The following STXBP5L variants were observed in gnomAD, a reference collection of about 807,000 sequenced individuals.
STXBP5L encodes syntaxin binding protein 5L.
Under a neutral mutation model 144.5 loss-of-function variants are expected in STXBP5L, and 65 were observed. The ratio of observed to expected loss-of-function variants is 0.45; its 90% confidence interval spans 0.37 to 0.55. The LOEUF is 0.55. Ranked by LOEUF, STXBP5L falls within the 20% of genes least tolerant of loss-of-function variation. The pLI, the probability that STXBP5L is intolerant of heterozygous loss-of-function variation, is 0.00. For missense variants in STXBP5L, 1,298 were observed against 1,405.5 expected (o/e 0.92, Z 1.22); for synonymous variants, 505 against 469.6 (o/e 1.08, Z -0.97).
intron 2 of STXBP5L, among the ~76,000 whole-genome samples, chr3:120,913,075 T>C (rs1335730481): frequency 6.6e-6 from 1 of 152,026 alleles, no homozygotes; most frequent in Non-Finnish European, 1.5e-5. Flanking sequence ...GTTCTTTTTT[T>C]TCTTTTTTAA....
At chr3:120,929,950 A>G (rs1559881569) in intron 2 of STXBP5L, among the ~76,000 whole-genome samples, 2 of 151,492 alleles carry the variant, frequency 1.3e-5, no homozygotes, top group African/African-American at 4.8e-5. Context: ...AGTAATTTCT[A>G]TTAGCTTTTA....
intron 9 of STXBP5L, among the ~76,000 whole-genome samples, chr3:121,166,112 C>T (rs2046489909): frequency 6.6e-6 from 1 of 151,896 alleles, no homozygotes; most frequent in Non-Finnish European, 1.5e-5. Context: ...GCCTCTTGGA[C>T]TCAAGTGATA....
intron 3 of STXBP5L, among the ~76,000 whole-genome samples, chr3:120,977,253 GGA>G (rs1941162948): frequency 1.3e-5 from 2 of 152,148 alleles, no homozygotes; most frequent in African/African-American, 4.8e-5. Context: ...TATATATTTA[GGA>G]TAGTTAGCTC....
At chr3:120,955,347 G>T (rs1379156515) in intron 3 of STXBP5L, among the ~76,000 whole-genome samples, 2 of 151,912 alleles carry the variant, frequency 1.3e-5, no homozygotes, top group Non-Finnish European at 2.9e-5. Flanking sequence ...ACTTTTGGGT[G>T]CGTTGCTCTT....
chr3:121,105,933 C>G (rs2043680981), intron 5 of STXBP5L, among the ~76,000 whole-genome samples: 1 of 151,746 alleles, frequency 6.6e-6, no homozygotes, highest in Admixed American at 6.6e-5. Flanking sequence ...GTTTTTATAC[C>G]TAAGTAAAAT....
At chr3:120,965,752 T>C (rs1456896252) in intron 3 of STXBP5L, among the ~76,000 whole-genome samples, 1 of 152,190 alleles carries the variant, frequency 6.6e-6, no homozygotes, top group Non-Finnish European at 1.5e-5. Flanking sequence ...CAGTTATGTG[T>C]CTTGGGGTTG....
At chr3:121,016,317 A>G (rs1303742544) in intron 3 of STXBP5L, among the ~76,000 whole-genome samples, 1 of 152,248 alleles carries the variant, frequency 6.6e-6, no homozygotes, top group Admixed American at 6.5e-5. Context: ...TAAAATAACA[A>G]TGAAACTATG....
intron 18 of STXBP5L, among the ~76,000 whole-genome samples, chr3:121,271,553 A>T (rs1394724519): frequency 6.6e-6 from 1 of 152,210 alleles, no homozygotes; most frequent in Non-Finnish European, 1.5e-5. Flanking sequence ...ATACAAAGCT[A>T]AGAAAAAACA....
At position 121,207,968 on chromosome 3, in the gene STXBP5L, C is replaced by G. The variant is rs1047900081; in HGVS notation, c.956+1967C>G. Reference sequence around the variant, plus strand: ...GTACTAGAAATACCATTTGACCCAGCCATCCCCTTACTGGGTATATACCCA... The same window carrying G: ...GTACTAGAAATACCATTTGACCCAGGCATCCCCTTACTGGGTATATACCCA... On this transcript the variant is annotated intron_variant, in intron 10 of 26. Coordinates refer to ENST00000471454, the MANE Select transcript of STXBP5L (RefSeq NM_001308330.2). Among the ~76,000 whole-genome samples the G allele has an allele frequency of 2.5e-4, 38 of 152,140 alleles. 1 individual carries two copies. Among genetic ancestry groups the G allele is most frequent in the Non-Finnish European group, 1.0e-4 (7 of 68,024 alleles).
intron 9 of STXBP5L, among the ~76,000 whole-genome samples, chr3:121,184,764 C>T (rs2047302309): frequency 6.6e-6 from 1 of 152,106 alleles, no homozygotes; most frequent in South Asian, 2.1e-4. Context: ...ACACAATTGT[C>T]TGATTCGCCA....
At chr3:121,388,000 C>T (rs1337268202) in intron 22 of STXBP5L, among the ~76,000 whole-genome samples, 1 of 152,132 alleles carries the variant, frequency 6.6e-6, no homozygotes, top group Non-Finnish European at 1.5e-5. Flanking sequence ...GGCAGTATGG[C>T]CATTTTCACA....
chr3:121,025,834 A>G (rs1408345706), intron 3 of STXBP5L, among the ~76,000 whole-genome samples: 1 of 148,702 alleles, frequency 6.7e-6, no homozygotes. Flanking sequence ...CATTACTTAT[A>G]TAAAGTAATT....
intron 3 of STXBP5L, among the ~76,000 whole-genome samples, chr3:120,977,223 G>T (rs563301520): frequency 3.7e-4 from 57 of 152,290 alleles, no homozygotes; most frequent in Non-Finnish European, 6.0e-4. Flanking sequence ...ATGAATCTGG[G>T]TGCTCCTGTA....
intron 5 of STXBP5L, among the ~76,000 whole-genome samples, chr3:121,087,133 A>G (rs937542325): frequency 5.9e-5 from 9 of 152,028 alleles, no homozygotes; most frequent in Admixed American, 6.6e-5. Flanking sequence ...TGTTCTGTGT[A>G]TGCTAGAAAA....
At chr3:121,418,975 T>A in intron 26 of STXBP5L, 81 bp from the exon 27 acceptor site, 1 of 1,419,274 alleles carries the variant, frequency 7.0e-7, no homozygotes, top group Non-Finnish European at 9.6e-7. Context: ...TAGATTTGCA[T>A]GATTAGCTCA....
At chr3:120,951,365 C>T (rs1711213167) in intron 2 of STXBP5L, among the ~76,000 whole-genome samples, 1 of 152,104 alleles carries the variant, frequency 6.6e-6, no homozygotes, top group African/African-American at 2.4e-5. Context: ...AGTGAACAGG[C>T]AACCCACAAA....
intron 22 of STXBP5L, among the ~76,000 whole-genome samples, chr3:121,401,705 G>A (rs565821479): frequency 0.034 from 3,651 of 108,982 alleles, 105 homozygotes; most frequent in Middle Eastern, 0.089. Context: ...GAGATCACAT[G>A]GACACAGGAA....
At chr3:121,398,934 C>A (rs1005963681) in intron 22 of STXBP5L, among the ~76,000 whole-genome samples, 1 of 152,080 alleles carries the variant, frequency 6.6e-6, no homozygotes, top group African/African-American at 2.4e-5. Flanking sequence ...TAAGAGTGGT[C>A]GCTCGAGGCA....
intron 20 of STXBP5L, among the ~76,000 whole-genome samples, chr3:121,322,476 C>CAA (rs5852266): frequency 0.14 from 18,420 of 128,220 alleles, 1,620 homozygotes; most frequent in Admixed American, 0.27. Flanking sequence ...GAAACTGTGC[C>CAA]AAAAAAAAAA....
Sources: gnomAD v4.1 joint callset for allele counts (sites outside exome capture counted in the v4.1 genomes callset) on GRCh38, gnomAD v4.1.1 for gene constraint, MANE v1.5 for transcripts, NCBI Gene and HGNC (gene_info 2026-07-23, HGNC 2026-07-21) for gene names.